The following FAM53A variants were observed in gnomAD, a reference collection of about 807,000 sequenced individuals.
FAM53A encodes family with sequence similarity 53 member A.
Under a neutral mutation model 26.6 loss-of-function variants are expected in FAM53A, and 28 were observed. The observed-to-expected ratio is 1.05, with a 90% CI of 0.78 to 1.45. FAM53A has a LOEUF of 1.45. Ranked by LOEUF, FAM53A falls within the 40% of genes most tolerant of loss-of-function variation. FAM53A has a pLI of 0.00. For synonymous variants in FAM53A, 290 were observed against 253.1 expected, an observed-to-expected ratio of 1.15 and a Z score of -1.38; for missense variants, 650 against 575.8, an observed-to-expected ratio of 1.13 and a Z score of -1.32.
At chr4:1,581,655 G>A in the FAM53A span, among the ~76,000 whole-genome samples, 1 of 152,178 alleles carries the variant, frequency 6.6e-6, no homozygotes, top group Non-Finnish European at 1.5e-5. Context: ...GGAGTGCAAT[G>A]GGGCAGTCTT....
downstream of FAM53A, among the ~76,000 whole-genome samples, chr4:1,635,818 A>T (rs900970051): frequency 1.3e-4 from 19 of 146,040 alleles, no homozygotes; most frequent in African/African-American, 4.3e-4. Flanking sequence ...AGAAGATAGG[A>T]CCTGTATAAT....
the FAM53A span, among the ~76,000 whole-genome samples, chr4:1,610,553 C>T: frequency 6.6e-6 from 1 of 152,118 alleles, no homozygotes; most frequent in Non-Finnish European, 1.5e-5. Context: ...AGACTAGGGC[C>T]TGGAGGACAA....
the FAM53A span, among the ~76,000 whole-genome samples, chr4:1,607,324 G>GT: frequency 0.014 from 2,081 of 144,372 alleles, 25 homozygotes; most frequent in African/African-American, 0.032. Context: ...CAGCCTCTGG[G>GT]TTTTTTTTTT....
chr4:1,599,512 G>A, the FAM53A span, among the ~76,000 whole-genome samples: 2,334 of 152,252 alleles, frequency 0.015, 68 homozygotes, highest in African/African-American at 0.053. The surrounding 1 kb of genome is among the most constrained non-coding windows in gnomAD (Gnocchi z 6.1). Flanking sequence ...CTGGGGAGGC[G>A]TGCGGCCTCG....
At chr4:1,582,710 A>T in the FAM53A span, among the ~76,000 whole-genome samples, 1 of 152,108 alleles carries the variant, frequency 6.6e-6, no homozygotes, top group East Asian at 1.9e-4. Context: ...AAAATTAGCC[A>T]GGTGTGTGGT....
intron 2 of FAM53A, 83 bp downstream of exon 2, chr4:1,668,584 C>A (rs1177879496): frequency 2.0e-6 from 3 of 1,529,514 alleles, no homozygotes; most frequent in Non-Finnish European, 2.7e-6. Context: ...ACTTAGCCCT[C>A]ACCTCCACCT....
At chr4:1,635,549 T>A (rs374125642), downstream of FAM53A, among the ~76,000 whole-genome samples, 1 of 152,186 alleles carries the variant, frequency 6.6e-6, no homozygotes, top group Non-Finnish European at 1.5e-5. Context: ...GTGCTAGGAC[T>A]GCAGGCGCCA....
chr4:1,685,507 C>T (rs1715761376), upstream of FAM53A, among the ~76,000 whole-genome samples: 1 of 152,108 alleles, frequency 6.6e-6, no homozygotes, highest in South Asian at 2.1e-4. Context: ...TGCAGCACCC[C>T]TGGGGCTGGA....
At chr4:1,664,472 A>G (rs943394342) in intron 2 of FAM53A, among the ~76,000 whole-genome samples, 2 of 152,250 alleles carry the variant, frequency 1.3e-5, no homozygotes, top group African/African-American at 4.8e-5. Context: ...TTTCATAAAA[A>G]TACTATTTTA....
chr4:1,582,478 G>T, the FAM53A span, among the ~76,000 whole-genome samples: 1 of 152,242 alleles, frequency 6.6e-6, no homozygotes, highest in Admixed American at 6.5e-5. Flanking sequence ...GGGAGGCCCT[G>T]CACCCTGCAC....
chr4:1,625,616 G>A (rs1451931719), intron 1 of FAM53A, among the ~76,000 whole-genome samples: 19 of 95,882 alleles, frequency 2.0e-4, no homozygotes, highest in South Asian at 4.4e-4. Context: ...CCCGACCCAC[G>A]TGGTCAGGGT....
chr4:1,660,244 C>T (rs1281913797), intron 2 of FAM53A, among the ~76,000 whole-genome samples: 3 of 152,066 alleles, frequency 2.0e-5, no homozygotes, highest in African/African-American at 7.2e-5. Flanking sequence ...GATCACACCA[C>T]TGCACTCCAG....
chr4:1,582,331 G>A, the FAM53A span, among the ~76,000 whole-genome samples: 13 of 152,202 alleles, frequency 8.5e-5, no homozygotes, highest in Non-Finnish European at 1.2e-4. Flanking sequence ...AGTCCACGGC[G>A]TTCCTCCTGG....
At chr4:1,652,389 G>GCACACACCA (rs1553806266) in intron 4 of FAM53A, among the ~76,000 whole-genome samples, 2 of 118,424 alleles carry the variant, frequency 1.7e-5, no homozygotes, top group Non-Finnish European at 3.4e-5. Flanking sequence ...CACATCACAT[G>GCACACACCA]CACACCACAC....
chr4:1,602,938 G>A, the FAM53A span, among the ~76,000 whole-genome samples: 25 of 152,080 alleles, frequency 1.6e-4, no homozygotes, highest in Non-Finnish European at 2.8e-4. Context: ...GGCCAGCCAC[G>A]GCACTCGGGT....
intron 1 of FAM53A, among the ~76,000 whole-genome samples, chr4:1,681,501 A>G (rs1050705133): frequency 8.6e-5 from 13 of 150,680 alleles, no homozygotes; most frequent in Non-Finnish European, 1.5e-4. Context: ...TTGCAACCCA[A>G]CAAAGGAGAA....
At chr4:1,676,259 C>T (rs4865459) in intron 1 of FAM53A, among the ~76,000 whole-genome samples, 88,205 of 152,010 alleles carry the variant, frequency 0.58, 27,325 homozygotes, top group East Asian at 0.89. Flanking sequence ...GCCTCCCTCC[C>T]GGCTCTGGCA....
the FAM53A span, among the ~76,000 whole-genome samples, chr4:1,599,898 G>A: frequency 6.6e-6 from 1 of 152,150 alleles, no homozygotes; most frequent in Non-Finnish European, 1.5e-5. This position sits in a 1 kb window ranked among gnomAD's most constrained non-coding sequence, Gnocchi z 6.1. Flanking sequence ...CGCTGTGGCG[G>A]TCCCTTGGGG....
chr4:1,594,612 G>A, the FAM53A span, among the ~76,000 whole-genome samples: 833 of 152,338 alleles, frequency 5.5e-3, 5 homozygotes, highest in African/African-American at 0.019. Context: ...GGAGACCAAG[G>A]CAGGCAGATT....
Sources: allele counts gnomAD v4.1 joint callset (sites outside exome capture counted in the v4.1 genomes callset), GRCh38; gene constraint gnomAD v4.1.1; non-coding constraint Gnocchi (gnomAD v3.1); transcripts MANE v1.5; gene names NCBI Gene and HGNC (gene_info 2026-07-23, HGNC 2026-07-21).